SNX14: variants seen among roughly 807,000 people sequenced by gnomAD.
The protein encoded by SNX14 is sorting nexin 14, also known as sorting nexin-14.
Under a neutral mutation model 133.8 loss-of-function variants are expected in SNX14, and 93 were observed. The ratio of observed to expected loss-of-function variants is 0.70; its 90% CI spans 0.59 to 0.83. The LOEUF is 0.83. SNX14 is among the 40% of genes least tolerant of loss of function. The pLI is 0.00. For missense variants in SNX14, 945 were observed against 1,094.9 expected, an observed-to-expected ratio of 0.86 and a Z score of 1.93; for synonymous variants, 368 against 365.6, an observed-to-expected ratio of 1.01 and a Z score of -0.07.
chr6:85,513,899 A>C lies in SNX14; in HGVS notation c.2558-4T>G, dbSNP rs771674560. 3.8e-6 allele frequency: 6 copies of C among 1,597,702 alleles called. No homozygotes were observed. The highest frequency in any genetic ancestry group is 5.1e-6 in the Non-Finnish European group (6 of 1,173,198). On this transcript the variant is annotated splice_polypyrimidine_tract_variant and splice_region_variant and intron_variant, in intron 25 of 28. Coordinates refer to ENST00000314673, the MANE Select transcript of SNX14 (RefSeq NM_153816.6). ...GTGTTTTCACAGAATATAGCATCTA[A>C]AAAAGAGTAAAAAGAAATATTTCTG...
intron 4 of SNX14, among the ~76,000 whole-genome samples, chr6:85,568,712 A>G (rs1794691745): frequency 6.6e-6 from 1 of 152,220 alleles, no homozygotes; most frequent in Non-Finnish European, 1.5e-5. Flanking sequence ...TTTCTCTGGC[A>G]GCAATAATAA....
intron 15 of SNX14, among the ~76,000 whole-genome samples, 183 bp from the exon 16 acceptor site, chr6:85,539,047 C>T (rs577731940): frequency 6.6e-5 from 10 of 152,184 alleles, no homozygotes; most frequent in Middle Eastern, 3.4e-3. Flanking sequence ...GTAAGATAAA[C>T]GCACATAGCT....
intron 21 of SNX14, among the ~76,000 whole-genome samples, chr6:85,522,302 A>C (rs895299948): frequency 2.6e-5 from 4 of 152,214 alleles, no homozygotes; most frequent in South Asian, 2.1e-4. Context: ...GTTATAAGTC[A>C]AGACATATGA....
intron 5 of SNX14, 97 bp downstream of exon 5, chr6:85,567,437 A>C: frequency 2.2e-6 from 2 of 915,788 alleles, no homozygotes; most frequent in Non-Finnish European, 1.6e-6. Context: ...GACAAAGTTG[A>C]GAAATCCTGG....
intron 15 of SNX14, among the ~76,000 whole-genome samples, chr6:85,541,477 C>T (rs1783739576): frequency 6.6e-6 from 1 of 151,962 alleles, no homozygotes; most frequent in Non-Finnish European, 1.5e-5. Context: ...TACATGTAAC[C>T]TTGCAAACAC....
At chr6:85,555,007 A>C (rs1315409131) in intron 7 of SNX14, among the ~76,000 whole-genome samples, 1 of 152,014 alleles carries the variant, frequency 6.6e-6, no homozygotes, top group East Asian at 1.9e-4. Context: ...TTTTTTGTAG[A>C]GACAGGGTAT....
intron 14 of SNX14, 98 bp from the exon 15 acceptor site, chr6:85,542,141 A>T: frequency 1.3e-6 from 1 of 773,548 alleles, no homozygotes; most frequent in Non-Finnish European, 1.9e-6. Flanking sequence ...GGGAAAAAAA[A>T]AAAGCTATCT....
rs964259090 is a variant in SNX14 at position 85,567,527 on chromosome 6, A to C, written c.461+7T>G. 9 of 1,509,488 alleles carry C rather than the reference A, an allele frequency of 6.0e-6. No individual in the cohort carries two copies. The highest frequency in any genetic ancestry group is 6.2e-6 in the Non-Finnish European group (7 of 1,134,364). The allele number at this position is 1,509,488 out of a possible 1,614,324, so 93.5% of individuals were successfully genotyped here. On this transcript the variant is annotated splice_region_variant and intron_variant, in intron 5 of 28. Transcript: ENST00000314673. ...ACAGAAAAAAAGATCTTATAGAAAG[A>C]ACATACCTGTACCACGGATAAACAA...
At chr6:85,527,727 T>C (rs1278850410) in intron 20 of SNX14, among the ~76,000 whole-genome samples, 3 of 152,054 alleles carry the variant, frequency 2.0e-5, no homozygotes, top group African/African-American at 4.8e-5. Flanking sequence ...TTTAACATAA[T>C]GTAACGTGCA....
intron 9 of SNX14, among the ~76,000 whole-genome samples, chr6:85,547,890 C>T (rs1034020587): frequency 6.6e-6 from 1 of 152,172 alleles, no homozygotes; most frequent in Non-Finnish European, 1.5e-5. Flanking sequence ...ATGTTATACA[C>T]ATACAATGAA....
At chr6:85,543,433 C>A in intron 13 of SNX14, 127 bp from the exon 14 acceptor site, 1 of 1,063,696 alleles carries the variant, frequency 9.4e-7, no homozygotes, top group Middle Eastern at 3.2e-4. Flanking sequence ...AGCTCTAGTT[C>A]TGACAAATAC....
At chr6:85,561,731 T>C (rs947205195) in intron 6 of SNX14, among the ~76,000 whole-genome samples, 12 of 152,312 alleles carry the variant, frequency 7.9e-5, no homozygotes, top group Middle Eastern at 6.8e-3. Context: ...TTAATATATG[T>C]ATTAGCAAGC....
chr6:85,514,273 T>A, intron 24 of SNX14, 39 bp from the exon 25 acceptor site: 2 of 1,565,914 alleles, frequency 1.3e-6, no homozygotes, highest in Non-Finnish European at 1.7e-6. Context: ...TTGTTCCAGA[T>A]GAATTGGTAT....
chr6:85,588,004 G>A (rs976907318), intron 1 of SNX14, among the ~76,000 whole-genome samples: 2 of 152,096 alleles, frequency 1.3e-5, no homozygotes, highest in African/African-American at 4.8e-5. Flanking sequence ...CATTTAAAGG[G>A]CTAGGCCAGG....
chr6:85,515,577 A>C (rs1005158494), intron 23 of SNX14, among the ~76,000 whole-genome samples: 9 of 152,130 alleles, frequency 5.9e-5, no homozygotes, highest in African/African-American at 2.2e-4. Flanking sequence ...ATTTTACCTG[A>C]AGATGAATTT....
At chr6:85,510,991 T>A (rs1380135453) in intron 26 of SNX14, among the ~76,000 whole-genome samples, 2 of 152,204 alleles carry the variant, frequency 1.3e-5, no homozygotes, top group South Asian at 2.1e-4. Flanking sequence ...TGGGACTGCA[T>A]TGAATCTATA....
chr6:85,527,393 ATATAT>A (rs1334367947), intron 20 of SNX14, among the ~76,000 whole-genome samples: 2 of 66,370 alleles, frequency 3.0e-5, no homozygotes, highest in Non-Finnish European at 5.0e-5. Flanking sequence ...ACCTATATAT[ATATAT>A]TTTTTTTTCA....
chr6:85,585,990 G>GAAAAAA (rs536086390), intron 1 of SNX14, among the ~76,000 whole-genome samples: 15 of 75,106 alleles, frequency 2.0e-4, no homozygotes, highest in Non-Finnish European at 2.9e-4. Context: ...CCCGCAACAG[G>GAAAAAA]AAAAAAAAAA....
intron 5 of SNX14, among the ~76,000 whole-genome samples, chr6:85,566,245 G>T (rs369989697): frequency 6.6e-6 from 1 of 152,174 alleles, no homozygotes; most frequent in Admixed American, 6.5e-5. Flanking sequence ...TTTACAAAAG[G>T]CCTCACCATC....
Sources: allele counts gnomAD v4.1 joint callset (sites outside exome capture counted in the v4.1 genomes callset), GRCh38; gene constraint gnomAD v4.1.1; transcripts MANE v1.5; gene names NCBI Gene and HGNC (gene_info 2026-07-23, HGNC 2026-07-21).